SH3PXD2B: variants seen among roughly 807,000 people sequenced by gnomAD.
SH3PXD2B encodes the protein SH3 and PX domain-containing protein 2B.
A neutral mutation model predicts 73.1 loss-of-function variants in SH3PXD2B; 37 were observed. The observed-to-expected ratio is 0.51, with a 90% CI of 0.39 to 0.67. The LOEUF is 0.67. Ranked by LOEUF, SH3PXD2B falls within the 30% of genes least tolerant of loss-of-function variation. The pLI is 0.00. For missense variants in SH3PXD2B, 1,053 were observed against 1,197.8 expected, an observed-to-expected ratio of 0.88 and a Z score of 1.78; for synonymous variants, 457 against 480.5, an observed-to-expected ratio of 0.95 and a Z score of 0.64.
Position 172,335,424 on chromosome 5 carries a change from A to C in SH3PXD2B, c.*2945T>G. On this transcript the variant is annotated 3_prime_UTR_variant, in exon 13 of 13. Transcript: ENST00000311601. ...AAAAGTCATGGACACGAGGGAAAGA[A>C]CAACAACAACAAAACCAAACAAACC... The C allele has an allele frequency of 8.4e-7, 1 of 1,184,418 alleles. No individual in the cohort carries two copies. The highest frequency in any genetic ancestry group is 1.0e-6 in the Non-Finnish European group (1 of 969,374). 73.4% of individuals were successfully genotyped at this position (1,184,418 alleles called of 1,614,324 possible). A position where few individuals can be genotyped will look rare whatever the true frequency, so the allele number is the denominator to read the frequency against.
At chr5:172,366,925 C>T (rs1483064972) in intron 6 of SH3PXD2B, among the ~76,000 whole-genome samples, 9 of 105,880 alleles carry the variant, frequency 8.5e-5, no homozygotes, top group Non-Finnish European at 1.6e-4. Flanking sequence ...AGCCATCGTG[C>T]CCGGCCATTT....
intron 3 of SH3PXD2B, among the ~76,000 whole-genome samples, chr5:172,395,458 T>C (rs1368178448): frequency 6.6e-6 from 1 of 152,124 alleles, no homozygotes; most frequent in Non-Finnish European, 1.5e-5. Flanking sequence ...CATCCGAAAC[T>C]CTGGGGCATG....
At chr5:172,403,003 G>C (rs895062033) in intron 3 of SH3PXD2B, among the ~76,000 whole-genome samples, 2 of 152,268 alleles carry the variant, frequency 1.3e-5, no homozygotes, top group African/African-American at 2.4e-5. Context: ...GTAGGCATGG[G>C]AGCCAGCACC....
At position 172,334,322 on chromosome 5, in the gene SH3PXD2B, C is replaced by G. The variant is rs1275326071; in HGVS notation, c.*4047G>C. 3.0e-6 allele frequency: 3 copies of G among 994,274 alleles called. No homozygotes were observed. Among genetic ancestry groups the G allele is most frequent in the Non-Finnish European group, 3.6e-6 (3 of 836,860 alleles). 61.6% of individuals were successfully genotyped at this position (994,274 alleles called of 1,614,324 possible). ...GCTCTGCAGCTCTGCCTGGGACCCT[C>G]GTGGAAACTTACTCTAGTTAGGAGC... On this transcript the variant is annotated 3_prime_UTR_variant, in exon 13 of 13. Coordinates refer to ENST00000311601, the MANE Select transcript of SH3PXD2B (RefSeq NM_001017995.3).
chr5:172,377,143 C>T (rs1757838877), intron 5 of SH3PXD2B, among the ~76,000 whole-genome samples: 2 of 152,168 alleles, frequency 1.3e-5, no homozygotes, highest in Non-Finnish European at 2.9e-5. Context: ...CGGCAGGGGA[C>T]TCTTGGGTTC....
Position 172,429,637 on chromosome 5 carries a change from G to C in SH3PXD2B, c.76-7141C>G, listed in dbSNP as rs1466321062. Among the ~76,000 whole-genome samples, 11 of 152,212 alleles carry C rather than the reference G, an allele frequency of 7.2e-5. No homozygotes were observed. The South Asian group carries it at 1.5e-3, about 20-fold the overall frequency. On this transcript the variant is annotated intron_variant, in intron 1 of 12. Coordinates refer to ENST00000311601, the MANE Select transcript of SH3PXD2B (RefSeq NM_001017995.3). ...GTGAAGGGAGGGTGGGAGGAATTGG[G>C]GTGGGGTGTGCTGAGCCAGGATCCT...
In SH3PXD2B at chr5:172,454,483, C is replaced by A; in HGVS notation, c.-131G>T. On this transcript the variant is annotated 5_prime_UTR_variant, in exon 1 of 13. Coordinates refer to ENST00000311601, the MANE Select transcript of SH3PXD2B (RefSeq NM_001017995.3). ...AATCGCAGCCGGGGCCGAGCACGAG[C>A]CGCCGCCGCCACCGCCGCCGCCCTT... The A allele has an allele frequency of 3.4e-6, 1 of 294,074 alleles. No individual in the cohort carries two copies. The highest frequency in any genetic ancestry group is 5.1e-6 in the Non-Finnish European group (1 of 195,280). The allele number at this position is 294,074 out of a possible 1,614,324, so 18.2% of individuals were successfully genotyped here.
intron 1 of SH3PXD2B, among the ~76,000 whole-genome samples, chr5:172,443,777 C>T (rs1319664099): frequency 6.6e-6 from 1 of 152,230 alleles, no homozygotes; most frequent in South Asian, 2.1e-4. Flanking sequence ...GCCAGCACAG[C>T]GGGCGGGGGG....
downstream of SH3PXD2B, among the ~76,000 whole-genome samples, chr5:172,329,061 A>G (rs373567035): frequency 2.0e-3 from 189 of 94,480 alleles, no homozygotes; most frequent in Middle Eastern, 0.019. Flanking sequence ...GTGTGTGTGT[A>G]TATATATATA....
chr5:172,336,863 A>C lies in SH3PXD2B; in HGVS notation c.*1506T>G. ...CCAGACCTCAGTTTGACAGATGACC[A>C]CATCTGCCCTGGGTTTCTTCAAGGG... On this transcript the variant is annotated 3_prime_UTR_variant, in exon 13 of 13. Transcript: ENST00000311601. 1 of 985,204 alleles carries C rather than the reference A, an allele frequency of 1.0e-6. No homozygotes were observed. Among genetic ancestry groups the C allele is most frequent in the Non-Finnish European group, 1.2e-6 (1 of 829,752 alleles). The allele number at this position is 985,204 out of a possible 1,614,324, so 61.0% of individuals were successfully genotyped here.
At position 172,336,302 on chromosome 5, in the gene SH3PXD2B, G is replaced by A; in HGVS notation, c.*2067C>T. ...AAGAACTCAGGAAAACTGCCATGGGGCCTCCTCTCAAGGGAGGGGACCCTC... is the reference window on the plus strand; with the variant it reads ...AAGAACTCAGGAAAACTGCCATGGGACCTCCTCTCAAGGGAGGGGACCCTC... On this transcript the variant is annotated 3_prime_UTR_variant, in exon 13 of 13. Coordinates refer to ENST00000311601, the MANE Select transcript of SH3PXD2B (RefSeq NM_001017995.3). 4 of 985,532 alleles carry A rather than the reference G, an allele frequency of 4.1e-6. No individual in the cohort carries two copies. Among genetic ancestry groups the A allele is most frequent in the Non-Finnish European group, 4.8e-6 (4 of 829,950 alleles). 61.0% of individuals were successfully genotyped at this position (985,532 alleles called of 1,614,324 possible). A position where few individuals can be genotyped will look rare whatever the true frequency, so the allele number is the denominator to read the frequency against.
intron 1 of SH3PXD2B, among the ~76,000 whole-genome samples, chr5:172,432,001 AC>A (rs1468239047): frequency 3.9e-5 from 6 of 151,966 alleles, no homozygotes; most frequent in African/African-American, 1.4e-4. Flanking sequence ...ACATGGTGAA[AC>A]CCCATCTCTA....
At chr5:172,415,570 C>T (rs1758800758) in intron 2 of SH3PXD2B, among the ~76,000 whole-genome samples, 1 of 152,198 alleles carries the variant, frequency 6.6e-6, no homozygotes, top group Non-Finnish European at 1.5e-5. Flanking sequence ...GGATACAATA[C>T]TGACCTCATG....
chr5:172,332,493 G>C (rs910755217), downstream of SH3PXD2B, among the ~76,000 whole-genome samples: 1 of 151,570 alleles, frequency 6.6e-6, no homozygotes, highest in African/African-American at 2.4e-5. Flanking sequence ...CAAACTCTTG[G>C]GTTCAACAGA....
In SH3PXD2B at chr5:172,347,220, T is replaced by C. The variant is rs1757015593; in HGVS notation, c.1062+63A>G. ...GAAGGGCGAGGGGTGTGTGAGGGGC[T>C]AGTGGACACCCCTCACAGCCCTCAA... On this transcript the variant is annotated intron_variant, in intron 11 of 12. Coordinates refer to ENST00000311601, the MANE Select transcript of SH3PXD2B (RefSeq NM_001017995.3). 2.0e-6 allele frequency: 3 copies of C among 1,487,988 alleles called. No homozygotes were observed. In the South Asian group the frequency reaches 3.4e-5, roughly 17 times the overall value. 92.2% of individuals were successfully genotyped at this position (1,487,988 alleles called of 1,614,324 possible). A position where few individuals can be genotyped will look rare whatever the true frequency, so the allele number is the denominator to read the frequency against.
At chr5:172,375,922 G>C (rs1757811046) in intron 5 of SH3PXD2B, among the ~76,000 whole-genome samples, 1 of 152,102 alleles carries the variant, frequency 6.6e-6, no homozygotes, top group Non-Finnish European at 1.5e-5. Context: ...ACTTCTTGAG[G>C]AAGTGCCACA....
chr5:172,339,002 G>T lies in SH3PXD2B; in HGVS notation c.2103C>A (p.Leu701=), dbSNP rs1264727111. Reference sequence around the variant, plus strand: ...GGGCGCGGCCAGGCCCCTCTCCTGGGAGGAAGCTTCGGCTGAAGGCCACGT... The same window carrying T: ...GGGCGCGGCCAGGCCCCTCTCCTGGTAGGAAGCTTCGGCTGAAGGCCACGT... The part of the protein sequence containing the change: ...GQDVAFSRSF[L]PGEGPGRAQD... The change falls in exon 13 of 13, where the codon CTC becomes CTA. Residue 701 remains leucine (L), a synonymous_variant. Transcript: ENST00000311601. This position sits in a 1 kb window ranked among gnomAD's most constrained non-coding sequence, Gnocchi z 6.1. 1 of 1,614,116 alleles carries T rather than the reference G, an allele frequency of 6.2e-7. No individual in the cohort carries two copies. Among genetic ancestry groups the T allele is most frequent in the Admixed American group, 1.7e-5 (1 of 60,026 alleles).
intron 3 of SH3PXD2B, among the ~76,000 whole-genome samples, chr5:172,401,079 C>T (rs1387981412): frequency 6.6e-6 from 1 of 152,184 alleles, no homozygotes; most frequent in Admixed American, 6.5e-5. Flanking sequence ...CAATTCCACC[C>T]AAATGTGGAA....
chr5:172,432,987 T>C lies in SH3PXD2B; in HGVS notation c.76-10491A>G, dbSNP rs1759288901. Among the ~76,000 whole-genome samples the C allele has an allele frequency of 1.3e-5, 2 of 150,068 alleles. 1 individual carries two copies. The highest frequency in any genetic ancestry group is 4.2e-4 in the South Asian group (2 of 4,772). On this transcript the variant is annotated intron_variant, in intron 1 of 12. Transcript: ENST00000311601. ...AAATGTATGTGCGTTTGTGTGTCTG[T>C]ACACACACACACACAGTTACGCACC...
Sources: gnomAD v4.1 joint callset for allele counts (sites outside exome capture counted in the v4.1 genomes callset) on GRCh38, gnomAD v4.1.1 for gene constraint, Gnocchi (gnomAD v3.1) non-coding constraint, MANE v1.5 for transcripts, NCBI Gene and HGNC (gene_info 2026-07-23, HGNC 2026-07-21) for gene names.